FRMD3: variants seen among roughly 807,000 people sequenced by gnomAD.
The protein encoded by FRMD3 is FERM domain containing 3.
In FRMD3, 33 loss-of-function variants were observed where a neutral mutation model predicts 70.2. That is an observed-to-expected ratio of 0.47 (90% CI 0.36 to 0.63). The LOEUF is 0.63. FRMD3 is among the 20% of genes least tolerant of loss of function. FRMD3 has a pLI of 0.00. For synonymous variants in FRMD3, 279 were observed against 255.9 expected, an observed-to-expected ratio of 1.09 and a Z score of -0.86; for missense variants, 632 against 711.4, an observed-to-expected ratio of 0.89 and a Z score of 1.27.
the FRMD3 span, among the ~76,000 whole-genome samples, chr9:83,578,457 A>G: frequency 6.6e-6 from 1 of 152,046 alleles, no homozygotes; most frequent in African/African-American, 2.4e-5. Flanking sequence ...TCAATCACAT[A>G]TCAAAACAAT....
rs183823789 is a variant in FRMD3, at chr9:83,500,402, A to T, written c.147+37683T>A. ...TCTATATGCCTACAACTGCTCTTAA[A>T]CATATGGTATTAATTTTTTTAATCA... On this transcript the variant is annotated intron_variant, in intron 1 of 13. Coordinates refer to ENST00000304195, the MANE Select transcript of FRMD3 (RefSeq NM_174938.6). 1.5e-3 allele frequency among the ~76,000 whole-genome samples: 234 copies of T among 152,178 alleles called. 1 individual carries two copies. Among genetic ancestry groups the T allele is most frequent in the African/African-American group, 5.3e-3 (222 of 41,522 alleles).
chr9:83,404,194 T>G (rs904335229), intron 1 of FRMD3, among the ~76,000 whole-genome samples: 1 of 152,192 alleles, frequency 6.6e-6, no homozygotes, highest in African/African-American at 2.4e-5. Context: ...TTCAAGCGAT[T>G]AGTCACTAAG....
At chr9:83,267,324 C>T (rs867383863) in intron 13 of FRMD3, 51 of 1,419,326 alleles carry the variant, frequency 3.6e-5, no homozygotes, top group African/African-American at 5.7e-5. Context: ...AGGGAGGGGA[C>T]GCTATTTTTA....
At chr9:83,260,848 G>A (rs972128303) in intron 13 of FRMD3, among the ~76,000 whole-genome samples, 9 of 151,976 alleles carry the variant, frequency 5.9e-5, no homozygotes, top group African/African-American at 4.8e-5. Flanking sequence ...CTCCTTTATC[G>A]CTCCTTTTTG....
intron 2 of FRMD3, among the ~76,000 whole-genome samples, chr9:83,374,820 A>G (rs1366830612): frequency 6.6e-6 from 1 of 152,230 alleles, no homozygotes. Flanking sequence ...GAAGAAGAAT[A>G]AAAGAGGCCC....
At chr9:83,453,423 A>G (rs1462536189) in intron 1 of FRMD3, among the ~76,000 whole-genome samples, 2 of 152,176 alleles carry the variant, frequency 1.3e-5, no homozygotes, top group Admixed American at 6.5e-5. Flanking sequence ...GCCCTGTCCA[A>G]TAGGGTAGCC....
At chr9:83,357,219 ATATATTT>A (rs1465767925) in intron 3 of FRMD3, among the ~76,000 whole-genome samples, 11,307 of 38,628 alleles carry the variant, frequency 0.29, 2,506 homozygotes, top group East Asian at 0.57. Context: ...CATGGAATAT[ATATATTT>A]TATATATATA....
chr9:83,312,062 AC>A (rs1212951445), intron 7 of FRMD3, 87 bp from the exon 8 acceptor site: 2 of 1,001,448 alleles, frequency 2.0e-6, no homozygotes, highest in Non-Finnish European at 2.9e-6. Flanking sequence ...ATTCATCCTC[AC>A]CCTAGGTTAA....
chr9:83,351,706 T>TAGAC (rs1350471611), intron 3 of FRMD3, among the ~76,000 whole-genome samples: 1 of 151,566 alleles, frequency 6.6e-6, no homozygotes, highest in African/African-American at 2.4e-5. Context: ...GATAGATAGA[T>TAGAC]AGATAGATAG....
intron 13 of FRMD3, among the ~76,000 whole-genome samples, chr9:83,253,680 A>C (rs752791058): frequency 6.6e-6 from 1 of 152,182 alleles, no homozygotes; most frequent in Non-Finnish European, 1.5e-5. Flanking sequence ...CTGTAAGCTA[A>C]TTCAACCATT....
At chr9:83,387,272 AT>A (rs1162084677) in intron 2 of FRMD3, among the ~76,000 whole-genome samples, 1 of 152,058 alleles carries the variant, frequency 6.6e-6, no homozygotes, top group Non-Finnish European at 1.5e-5. Context: ...TTTTCCCTTT[AT>A]TTTTTGTTTA....
At chr9:83,496,165 T>C (rs921159571) in intron 1 of FRMD3, among the ~76,000 whole-genome samples, 5 of 152,208 alleles carry the variant, frequency 3.3e-5, no homozygotes, top group African/African-American at 1.2e-4. Flanking sequence ...AATTTTTTAA[T>C]GGTAAAGGCA....
intron 1 of FRMD3, among the ~76,000 whole-genome samples, chr9:83,425,113 T>A (rs10217752): frequency 1.3e-5 from 2 of 152,120 alleles, no homozygotes; most frequent in African/African-American, 4.8e-5. Context: ...AAGATTAATC[T>A]TATCATTAAG....
At chr9:83,533,279 C>T (rs574698575) in intron 1 of FRMD3, among the ~76,000 whole-genome samples, 1 of 152,164 alleles carries the variant, frequency 6.6e-6, no homozygotes, top group South Asian at 2.1e-4. Context: ...TGAGATAATA[C>T]TCAGTAACAC....
At chr9:83,576,550 C>G in the FRMD3 span, among the ~76,000 whole-genome samples, 1 of 152,068 alleles carries the variant, frequency 6.6e-6, no homozygotes, top group Non-Finnish European at 1.5e-5. Flanking sequence ...AGGTATTAAG[C>G]CTACTACCCA....
intron 2 of FRMD3, among the ~76,000 whole-genome samples, chr9:83,373,701 C>A (rs528110574): frequency 6.6e-6 from 1 of 151,994 alleles, no homozygotes; most frequent in Non-Finnish European, 1.5e-5. Context: ...ACCATGAGGT[C>A]CCTGAAGCTG....
chr9:83,326,111 A>C (rs898287530), intron 6 of FRMD3, among the ~76,000 whole-genome samples: 1 of 152,222 alleles, frequency 6.6e-6, no homozygotes, highest in East Asian at 1.9e-4. Flanking sequence ...GTGAAACCAC[A>C]GGAAGCCATG....
At chr9:83,324,490 C>T (rs544491386) in intron 6 of FRMD3, among the ~76,000 whole-genome samples, 10 of 152,230 alleles carry the variant, frequency 6.6e-5, no homozygotes, top group African/African-American at 1.2e-4. Flanking sequence ...TCTGAAAATG[C>T]TCTTTTACAT....
chr9:83,421,177 T>C (rs1479099473), intron 1 of FRMD3, among the ~76,000 whole-genome samples: 1 of 151,322 alleles, frequency 6.6e-6, no homozygotes, highest in African/African-American at 2.4e-5. Flanking sequence ...CCTGACCTCA[T>C]GATCCGCCCG....
Sources: allele counts gnomAD v4.1 joint callset (sites outside exome capture counted in the v4.1 genomes callset), GRCh38; gene constraint gnomAD v4.1.1; transcripts MANE v1.5; gene names NCBI Gene and HGNC (gene_info 2026-07-23, HGNC 2026-07-21).